NELL1: variants seen among roughly 807,000 people sequenced by gnomAD.
NELL1 encodes the protein protein kinase C-binding protein NELL1.
Under a neutral mutation model 107.4 loss-of-function variants are expected in NELL1, and 76 were observed. The observed-to-expected ratio is 0.71, with a 90% CI of 0.59 to 0.86. The LOEUF (loss-of-function observed/expected upper bound fraction) is 0.86, where lower values mean the gene tolerates loss of function less well. Among genes scored for constraint, NELL1 ranks in the 40% least tolerant of loss-of-function variants. NELL1 has a pLI of 0.00. For synonymous variants in NELL1, 353 were observed against 341.2 expected, an observed-to-expected ratio of 1.03 and a Z score of -0.38; for missense variants, 1,024 against 1,005.5, an observed-to-expected ratio of 1.02 and a Z score of -0.25.
At chr11:20,746,416 C>T (rs1294607677) in intron 2 of NELL1, among the ~76,000 whole-genome samples, 1 of 152,126 alleles carries the variant, frequency 6.6e-6, no homozygotes, top group Non-Finnish European at 1.5e-5. Context: ...AGTAACTTAA[C>T]CACTCCAACC....
chr11:21,353,598 A>G (rs147460910), intron 14 of NELL1, among the ~76,000 whole-genome samples: 1,690 of 152,310 alleles, frequency 0.011, 13 homozygotes, highest in Non-Finnish European at 0.018. Flanking sequence ...CTAGAAAGGC[A>G]GATCGCTGGG....
chr11:21,299,081 G>A (rs982389562), intron 14 of NELL1, among the ~76,000 whole-genome samples: 3 of 151,912 alleles, frequency 2.0e-5, no homozygotes, highest in African/African-American at 7.2e-5. Context: ...CACAGGAGGA[G>A]GAAAGTACTT....
chr11:21,417,071 C>T (rs1004623769), intron 15 of NELL1, among the ~76,000 whole-genome samples: 2 of 152,012 alleles, frequency 1.3e-5, no homozygotes, highest in Non-Finnish European at 2.9e-5. Flanking sequence ...CAACTTCATG[C>T]ACCTAAACAG....
intron 12 of NELL1, among the ~76,000 whole-genome samples, chr11:21,110,087 A>G (rs1242693583): frequency 1.3e-5 from 2 of 152,136 alleles, no homozygotes; most frequent in Non-Finnish European, 2.9e-5. Context: ...TTACCACAAG[A>G]TAGCTTTTAT....
At position 21,216,457 on chromosome 11, in the gene NELL1, A is replaced by G. The variant is rs1034612308; in HGVS notation, c.1427-12875A>G. ...TGACAGCTTGCACTGTGTGCCTGGA[A>G]AAGTTGCAGACACCCAAAACCAGCT... On this transcript the variant is annotated intron_variant, in intron 13 of 19. Coordinates refer to ENST00000357134, the MANE Select transcript of NELL1 (RefSeq NM_006157.5). Among the ~76,000 whole-genome samples the G allele has an allele frequency of 7.2e-5, 11 of 152,274 alleles. No homozygotes were observed. In the East Asian group the frequency reaches 2.1e-3, roughly 30 times the overall value.
intron 4 of NELL1, among the ~76,000 whole-genome samples, chr11:20,859,804 AG>A (rs1354014147): frequency 1.7e-5 from 1 of 60,334 alleles, no homozygotes; most frequent in Admixed American, 2.4e-4. Context: ...AAGAGAGCAC[AG>A]GAGGTAGGCG....
intron 2 of NELL1, among the ~76,000 whole-genome samples, chr11:20,704,974 C>T (rs1590219523): frequency 6.6e-6 from 1 of 152,070 alleles, no homozygotes; most frequent in African/African-American, 2.4e-5. Context: ...AGGACCGCTT[C>T]AAGGAGAACT....
At chr11:21,086,146 A>C (rs1854386183) in intron 12 of NELL1, among the ~76,000 whole-genome samples, 1 of 152,226 alleles carries the variant, frequency 6.6e-6, no homozygotes, top group South Asian at 2.1e-4. Context: ...CCTTGTAGGC[A>C]GGGGCTGTGT....
intron 15 of NELL1, among the ~76,000 whole-genome samples, chr11:21,439,815 T>G (rs567252768): frequency 6.6e-6 from 1 of 152,196 alleles, no homozygotes; most frequent in African/African-American, 2.4e-5. Flanking sequence ...TTCTGGAATT[T>G]ACCTGAGAAC....
chr11:20,674,260 T>C (rs1274465336), intron 1 of NELL1, among the ~76,000 whole-genome samples: 2 of 152,158 alleles, frequency 1.3e-5, no homozygotes, highest in Non-Finnish European at 2.9e-5. Context: ...AAAGGGGCCA[T>C]CTGTACCTTT....
At chr11:21,063,759 G>A (rs188872156) in intron 12 of NELL1, among the ~76,000 whole-genome samples, 1 of 152,308 alleles carries the variant, frequency 6.6e-6, no homozygotes, top group African/African-American at 2.4e-5. Context: ...AGACACTTCA[G>A]ATATATTAGT....
At chr11:21,004,572 C>G (rs924856938) in intron 12 of NELL1, among the ~76,000 whole-genome samples, 3 of 151,896 alleles carry the variant, frequency 2.0e-5, no homozygotes, top group Non-Finnish European at 4.4e-5. Context: ...TTTTCAGATA[C>G]CAGGTATGGA....
At chr11:20,694,539 T>C (rs1854563142) in intron 2 of NELL1, among the ~76,000 whole-genome samples, 1 of 152,138 alleles carries the variant, frequency 6.6e-6, no homozygotes, top group Non-Finnish European at 1.5e-5. Flanking sequence ...TCCCCATCAC[T>C]TATCTTTGTC....
At chr11:21,329,329 G>GCCTT (rs1850221189) in intron 14 of NELL1, among the ~76,000 whole-genome samples, 1 of 152,094 alleles carries the variant, frequency 6.6e-6, no homozygotes, top group Admixed American at 6.6e-5. Flanking sequence ...GCCATGTGAA[G>GCCTT]AAGGATTGCT....
At chr11:21,484,001 A>ATATG in intron 15 of NELL1, among the ~76,000 whole-genome samples, 1 of 39,220 alleles carries the variant, frequency 2.5e-5, no homozygotes, top group Non-Finnish European at 5.5e-5. Context: ...ATATATATAT[A>ATATG]TATATATATA....
chr11:20,901,549 G>A (rs973341138), intron 5 of NELL1, among the ~76,000 whole-genome samples: 9 of 109,494 alleles, frequency 8.2e-5, no homozygotes, highest in African/African-American at 3.0e-4. Context: ...CTTGTAATCA[G>A]TTCCCAAGAG....
intron 14 of NELL1, among the ~76,000 whole-genome samples, chr11:21,237,291 T>G (rs1326665609): frequency 6.6e-6 from 1 of 152,144 alleles, no homozygotes; most frequent in Admixed American, 6.6e-5. Context: ...TCTTGTTACT[T>G]AGTTCTGTAT....
At chr11:20,739,756 G>A (rs565491529) in intron 2 of NELL1, among the ~76,000 whole-genome samples, 42 of 152,276 alleles carry the variant, frequency 2.8e-4, no homozygotes, top group African/African-American at 9.9e-4. Context: ...CTCACTTTCT[G>A]CAGGGTTCAC....
chr11:21,232,795 G>T (rs1858098235), intron 14 of NELL1, among the ~76,000 whole-genome samples: 2 of 152,110 alleles, frequency 1.3e-5, no homozygotes, highest in African/African-American at 2.4e-5. Flanking sequence ...TGGGGTTGCA[G>T]ATGTGCCCCA....
Sources: gnomAD v4.1 joint callset for allele counts (sites outside exome capture counted in the v4.1 genomes callset) on GRCh38, gnomAD v4.1.1 for gene constraint, MANE v1.5 for transcripts, NCBI Gene and HGNC (gene_info 2026-07-23, HGNC 2026-07-21) for gene names.